The following MACO1 variants were observed in gnomAD, a reference collection of about 807,000 sequenced individuals.
MACO1 encodes macoilin 1, also known as macoilin.
A neutral mutation model predicts 78.7 loss-of-function variants in MACO1; 14 were observed. The ratio of observed to expected loss-of-function variants is 0.18; its 90% CI spans 0.12 to 0.28. The LOEUF is 0.28. MACO1 is among the 10% of genes least tolerant of loss of function. The pLI is 1.00. For missense variants in MACO1, 501 were observed against 799.0 expected (o/e 0.63, Z 4.50); for synonymous variants, 288 against 291.6 (o/e 0.99, Z 0.12).
intron 10 of MACO1, among the ~76,000 whole-genome samples, chr1:25,495,740 G>T (rs1347186475): frequency 1.3e-5 from 2 of 152,158 alleles, no homozygotes; most frequent in African/African-American, 4.8e-5. Flanking sequence ...AAGGTGGGCG[G>T]ATCACAAGGT....
Position 25,430,964 on chromosome 1 carries a change from CG to C in MACO1, c.-132del. ...CCCTCCCCGTGCTACCCCCTCCCCC[CG>C]GGTGCTGGCTCCATGTCTGTGTGAC... On this transcript the variant is annotated 5_prime_UTR_variant, in exon 1 of 11. Transcript: ENST00000374343. 1 of 503,054 alleles carries C rather than the reference CG, an allele frequency of 2.0e-6. No individual in the cohort carries two copies. The highest frequency in any genetic ancestry group is 3.5e-6 in the Non-Finnish European group (1 of 287,576). The allele number at this position is 503,054 out of a possible 1,614,324, so 31.2% of individuals were successfully genotyped here. A position where few individuals can be genotyped will look rare whatever the true frequency, so the allele number is the denominator to read the frequency against.
chr1:25,476,215 A>G (rs919331229), intron 6 of MACO1, among the ~76,000 whole-genome samples: 5 of 152,228 alleles, frequency 3.3e-5, no homozygotes, highest in African/African-American at 1.2e-4. Context: ...GTTGTGTGAA[A>G]GTCTCTAGAA....
In MACO1 at chr1:25,500,047, CTCT is replaced by C. The variant is rs1336020706; in HGVS notation, c.*1586_*1588del. ...GTTACTCAGAATTGTCATAGATTTT[CTCT>C]TCTTTGTGCAAAAACATGGAAAATT... On this transcript the variant is annotated 3_prime_UTR_variant, in exon 11 of 11. Transcript: ENST00000374343. 1.3e-5 allele frequency: 2 copies of C among 152,066 alleles called. No individual in the cohort carries two copies. Among genetic ancestry groups the C allele is most frequent in the African/African-American group, 4.8e-5 (2 of 41,418 alleles). 9.4% of individuals were successfully genotyped at this position (152,066 alleles called of 1,614,324 possible).
At chr1:25,450,481 C>G (rs901634028) in intron 3 of MACO1, among the ~76,000 whole-genome samples, 3 of 152,078 alleles carry the variant, frequency 2.0e-5, no homozygotes, top group Admixed American at 1.3e-4. Context: ...CTGCATGAAA[C>G]TTGATTCTTG....
intron 6 of MACO1, among the ~76,000 whole-genome samples, chr1:25,468,146 T>A (rs1456888026): frequency 6.6e-6 from 1 of 152,132 alleles, no homozygotes; most frequent in Non-Finnish European, 1.5e-5. Flanking sequence ...TGTTAAAAAT[T>A]CTTGCTCTTG....
intron 6 of MACO1, among the ~76,000 whole-genome samples, chr1:25,480,929 A>T (rs866947341): frequency 9.6e-4 from 46 of 47,868 alleles, no homozygotes; most frequent in African/African-American, 1.7e-3. Context: ...AAAAAAAAAA[A>T]ATATATATAT....
intron 6 of MACO1, among the ~76,000 whole-genome samples, chr1:25,461,241 T>A (rs575895330): frequency 2.1e-4 from 32 of 149,006 alleles, no homozygotes; most frequent in Non-Finnish European, 8.9e-5. Flanking sequence ...GGGATAGCAT[T>A]AGGAGATACA....
At chr1:25,454,417 T>TGTGC in intron 4 of MACO1, 35 bp downstream of exon 4, 1 of 1,432,894 alleles carries the variant, frequency 7.0e-7, no homozygotes, top group Non-Finnish European at 9.5e-7. Flanking sequence ...TGTGTGTGTG[T>TGTGC]ATATGTGTGT....
chr1:25,431,060 G>A lies in MACO1; in HGVS notation c.-39G>A, dbSNP rs937116841. The A allele has an allele frequency of 4.0e-6, 6 of 1,514,212 alleles. No homozygotes were observed. The highest frequency in any genetic ancestry group is 1.8e-4 in the Middle Eastern group (1 of 5,640). 93.8% of individuals were successfully genotyped at this position (1,514,212 alleles called of 1,614,324 possible). Reference sequence around the variant, plus strand: ...GGCGGCGGCAGCTGAGGTGAGAGACGGCGGCGGCGGCGCGGGCACCCGGCC... The same window carrying A: ...GGCGGCGGCAGCTGAGGTGAGAGACAGCGGCGGCGGCGCGGGCACCCGGCC... On this transcript the variant is annotated 5_prime_UTR_variant, in exon 1 of 11. Coordinates refer to ENST00000374343, the MANE Select transcript of MACO1 (RefSeq NM_018202.6).
intron 1 of MACO1, among the ~76,000 whole-genome samples, chr1:25,433,668 G>C (rs1355329274): frequency 6.6e-6 from 1 of 152,204 alleles, no homozygotes; most frequent in African/African-American, 2.4e-5. Flanking sequence ...CTGGACTGCA[G>C]GAATCAGGAG....
intron 10 of MACO1, among the ~76,000 whole-genome samples, 167 bp from the exon 11 acceptor site, chr1:25,498,097 C>T (rs1311267144): frequency 2.6e-5 from 4 of 152,152 alleles, no homozygotes; most frequent in African/African-American, 7.2e-5. Flanking sequence ...CCCACGACAC[C>T]TAAAATATTT....
At chr1:25,439,047 GACT>G (rs1382968912) in intron 1 of MACO1, among the ~76,000 whole-genome samples, 2 of 151,996 alleles carry the variant, frequency 1.3e-5, no homozygotes. Context: ...CTTGGGGCAG[GACT>G]ACTAAGGGCT....
At chr1:25,469,243 A>G (rs1484289166) in intron 6 of MACO1, among the ~76,000 whole-genome samples, 4 of 152,232 alleles carry the variant, frequency 2.6e-5, no homozygotes, top group Admixed American at 2.6e-4. Context: ...TAACAACATA[A>G]TCTATAAATA....
At chr1:25,484,624 T>C (rs904794181) in intron 7 of MACO1, among the ~76,000 whole-genome samples, 2 of 152,158 alleles carry the variant, frequency 1.3e-5, no homozygotes, top group African/African-American at 4.8e-5. Context: ...TTCTAGAGGA[T>C]TTGACTATAT....
Position 25,498,468 on chromosome 1 carries a change from G to A in MACO1, c.*2G>A, listed in dbSNP as rs758447179. On this transcript the variant is annotated 3_prime_UTR_variant, in exon 11 of 11. Coordinates refer to ENST00000374343, the MANE Select transcript of MACO1 (RefSeq NM_018202.6). ...GTTTACCAGCCCCTGAAGAAATGAA[G>A]GCCAGCTGTGTGTTGTGCCCAAAAA... 2.2e-4 allele frequency: 356 copies of A among 1,603,236 alleles called. No individual in the cohort carries two copies. Among genetic ancestry groups the A allele is most frequent in the Non-Finnish European group, 2.9e-4 (346 of 1,176,170 alleles).
At position 25,453,109 on chromosome 1, in the gene MACO1, G is replaced by A. The variant is rs546026358; in HGVS notation, c.350-1150G>A. ...CAACCTCTGCCTCCCGGGTTCAAGC[G>A]ATTCTCCTGCCTTAGCCTCCCAAGT... is the stretch of plus-strand genomic sequence containing the variant. On this transcript the variant is annotated intron_variant, in intron 3 of 10. Transcript: ENST00000374343. Among the ~76,000 whole-genome samples, 135 of 150,694 alleles carry A rather than the reference G, an allele frequency of 9.0e-4. 1 individual carries two copies. The highest frequency in any genetic ancestry group is 3.1e-3 in the African/African-American group (126 of 41,008).
chr1:25,454,466 G>GTATATATATATATATATATATATA (rs1182318467), intron 4 of MACO1, 84 bp downstream of exon 4: 2 of 174,294 alleles, frequency 1.1e-5, no homozygotes, highest in East Asian at 2.6e-4. Flanking sequence ...GTGTGTGTGT[G>GTATATATATATATATATATATATA]TGTGTATATA....
In MACO1 at chr1:25,494,248, G is replaced by A. The variant is rs371879919; in HGVS notation, c.1792+2664G>A. On this transcript the variant is annotated intron_variant, in intron 10 of 10. Coordinates refer to ENST00000374343, the MANE Select transcript of MACO1 (RefSeq NM_018202.6). ...GCCCAGCAAAAAAGTAGAGGCATGA[G>A]GTAGAGGCAGGGGGCTAGAAAGGCC... 7.2e-5 allele frequency among the ~76,000 whole-genome samples: 11 copies of A among 152,214 alleles called. No individual in the cohort carries two copies. In the East Asian group the frequency reaches 1.3e-3, roughly 19 times the overall value.
At chr1:25,494,679 G>A (rs969263177) in intron 10 of MACO1, among the ~76,000 whole-genome samples, 10 of 152,136 alleles carry the variant, frequency 6.6e-5, no homozygotes, top group Non-Finnish European at 8.8e-5. Context: ...TGGGGAGGGC[G>A]GACGGGCCAG....
Sources: allele counts gnomAD v4.1 joint callset (sites outside exome capture counted in the v4.1 genomes callset), GRCh38; gene constraint gnomAD v4.1.1; transcripts MANE v1.5; gene names NCBI Gene and HGNC (gene_info 2026-07-23, HGNC 2026-07-21).